PEX5L: variants seen among roughly 807,000 people sequenced by gnomAD.
The protein encoded by PEX5L is peroxisomal biogenesis factor 5 like.
A neutral mutation model predicts 84.0 loss-of-function variants in PEX5L; 30 were observed. The ratio of observed to expected loss-of-function variants is 0.36; its 90% confidence interval spans 0.27 to 0.48. The LOEUF (loss-of-function observed/expected upper bound fraction) is 0.48. PEX5L is among the 20% of genes least tolerant of loss of function. The pLI is 0.99. For missense variants in PEX5L, 533 were observed against 754.6 expected, an observed-to-expected ratio of 0.71 and a Z score of 3.44; for synonymous variants, 270 against 283.1, an observed-to-expected ratio of 0.95 and a Z score of 0.46.
chr3:179,994,527 G>A (rs144964344), intron 1 of PEX5L, among the ~76,000 whole-genome samples: 2 of 152,258 alleles, frequency 1.3e-5, no homozygotes, highest in African/African-American at 4.8e-5. Context: ...AGTGTTTAGG[G>A]CACACTTGAC....
intron 8 of PEX5L, among the ~76,000 whole-genome samples, chr3:179,853,623 G>A (rs1742788510): frequency 1.3e-5 from 2 of 152,134 alleles, no homozygotes; most frequent in Non-Finnish European, 2.9e-5. Flanking sequence ...AAATCCAGGG[G>A]GAAGCATAGA....
At chr3:179,973,239 C>T in intron 1 of PEX5L, 2 of 1,288,888 alleles carry the variant, frequency 1.6e-6, no homozygotes, top group South Asian at 1.2e-5. Flanking sequence ...CCATCCATTT[C>T]ACTGTCAGAC....
chr3:180,018,591 T>A (rs1336695182), intron 1 of PEX5L, among the ~76,000 whole-genome samples: 1 of 152,234 alleles, frequency 6.6e-6, no homozygotes, highest in Non-Finnish European at 1.5e-5. Context: ...TTTCCAAACC[T>A]GCCTTTCATT....
At chr3:179,962,465 T>C (rs1286174736) in intron 2 of PEX5L, among the ~76,000 whole-genome samples, 6 of 152,230 alleles carry the variant, frequency 3.9e-5, no homozygotes, top group Non-Finnish European at 5.9e-5. Context: ...CTTAGAACAA[T>C]ATCTTTTCAT....
chr3:179,843,085 C>T (rs1168102094), intron 8 of PEX5L, among the ~76,000 whole-genome samples: 1 of 151,782 alleles, frequency 6.6e-6, no homozygotes. Flanking sequence ...TGCAAGACAT[C>T]GAAATAGGTT....
At chr3:179,983,092 A>G (rs1225950096) in intron 1 of PEX5L, among the ~76,000 whole-genome samples, 4 of 152,060 alleles carry the variant, frequency 2.6e-5, no homozygotes, top group South Asian at 2.1e-4. Flanking sequence ...ATTACAAAAA[A>G]GTTGTATAAC....
intron 1 of PEX5L, among the ~76,000 whole-genome samples, chr3:180,001,777 C>T (rs1788443286): frequency 6.6e-6 from 1 of 151,998 alleles, no homozygotes; most frequent in Non-Finnish European, 1.5e-5. Context: ...TTAGTCTTTT[C>T]TTTTTTGCTT....
At chr3:179,886,038 G>C (rs532601205) in intron 4 of PEX5L, among the ~76,000 whole-genome samples, 1 of 152,296 alleles carries the variant, frequency 6.6e-6, no homozygotes, top group South Asian at 2.1e-4. Flanking sequence ...TCTTCCATAT[G>C]TTAGAACAAT....
rs78632047 is a variant in PEX5L, at chr3:179,958,674, C to T, written c.93+12920G>A. 6.2e-4 allele frequency among the ~76,000 whole-genome samples: 95 copies of T among 152,176 alleles called. No homozygotes were observed. In the East Asian group the frequency reaches 0.017, roughly 28 times the overall value. The stretch of plus-strand genomic sequence containing the variant: ...TACAGGACTGATTACTGAGTAGGTT[C>T]GCTTTAATGACGAGGCAGGAAAGGA... On this transcript the variant is annotated intron_variant, in intron 2 of 14. Transcript: ENST00000467460.
intron 2 of PEX5L, among the ~76,000 whole-genome samples, chr3:179,939,218 A>G (rs1775409377): frequency 6.6e-6 from 1 of 152,228 alleles, no homozygotes; most frequent in Admixed American, 6.5e-5. Context: ...TTACTGAAGA[A>G]ACCAGGAGTG....
chr3:179,887,249 G>T (rs558989010), intron 4 of PEX5L, among the ~76,000 whole-genome samples: 299 of 152,298 alleles, frequency 2.0e-3, no homozygotes, highest in Non-Finnish European at 1.8e-3. Context: ...AGGATATTTT[G>T]TCATTTAAAT....
At position 179,809,528 on chromosome 3, in the gene PEX5L, T is replaced by C. The variant is rs1282119466; in HGVS notation, c.1295A>G (p.Lys432Arg). 2.5e-6 allele frequency: 4 copies of C among 1,614,206 alleles called. No individual in the cohort carries two copies. Among genetic ancestry groups the C allele is most frequent in the Non-Finnish European group, 3.4e-6 (4 of 1,180,032 alleles). Reference protein sequence around the residue: ...KQNPKYKYLVKSKKGSPGLTR... With the variant: ...KQNPKYKYLVRSKKGSPGLTR... ...GAGGCCTGGAGATCCCTTCTTGCTT[T>C]TCACAAGGTATTTGTACTTTGGATT... Residue 432 changes from lysine to arginine, a missense_variant, in exon 12 of 15, where the codon AAA becomes AGA. Physicochemically the swap from Lys to Arg is conservative, Grantham distance 26 (BLOSUM62 2). Around this residue, in one of 8 missense-constraint regions of PEX5L, gnomAD observed 63 missense variants for 60.2 expected, o/e 1.05. Coordinates refer to ENST00000467460, the MANE Select transcript of PEX5L (RefSeq NM_016559.3).
chr3:179,873,033 A>G (rs990580209), intron 7 of PEX5L, among the ~76,000 whole-genome samples: 1 of 152,054 alleles, frequency 6.6e-6, no homozygotes, highest in Non-Finnish European at 1.5e-5. Context: ...TCTCTTGTGG[A>G]GGGTCAGGTG....
At position 179,991,458 on chromosome 3, in the gene PEX5L, T is replaced by A. The variant is rs1787367902; in HGVS notation, c.22-19793A>T. 2.0e-5 allele frequency among the ~76,000 whole-genome samples: 3 copies of A among 152,192 alleles called. No individual in the cohort carries two copies. In the South Asian group the frequency reaches 6.2e-4, roughly 32 times the overall value. On this transcript the variant is annotated intron_variant, in intron 1 of 14. Transcript: ENST00000467460. Reference sequence around the variant, plus strand: ...TTTTGCCAACCAGAGCTCTTTCTTCTTCAGGATGACCTGGCTGCTTTCCTG... The same window carrying A: ...TTTTGCCAACCAGAGCTCTTTCTTCATCAGGATGACCTGGCTGCTTTCCTG...
chr3:180,013,941 G>A (rs531540127), intron 1 of PEX5L, among the ~76,000 whole-genome samples: 35 of 152,048 alleles, frequency 2.3e-4, no homozygotes, highest in African/African-American at 8.4e-4. Context: ...TTTAAATTTT[G>A]TTGAACCTCT....
chr3:180,006,923 G>A (rs1025806968), intron 1 of PEX5L, among the ~76,000 whole-genome samples: 5 of 152,060 alleles, frequency 3.3e-5, no homozygotes, highest in African/African-American at 9.7e-5. Context: ...CAAACCATAC[G>A]ATTCCACCCC....
intron 2 of PEX5L, among the ~76,000 whole-genome samples, chr3:179,957,654 T>G (rs1006856447): frequency 2.0e-5 from 3 of 152,192 alleles, no homozygotes; most frequent in Non-Finnish European, 2.9e-5. Context: ...AGAAAGCTGC[T>G]CAACAAATAC....
chr3:179,837,384 C>G (rs537676249), intron 8 of PEX5L, among the ~76,000 whole-genome samples: 22 of 152,302 alleles, frequency 1.4e-4, no homozygotes, highest in South Asian at 8.3e-4. Flanking sequence ...GACTCCTCAT[C>G]ATGATGAGAC....
chr3:179,836,277 G>C (rs914865493), intron 8 of PEX5L, among the ~76,000 whole-genome samples: 1 of 152,170 alleles, frequency 6.6e-6, no homozygotes, highest in Non-Finnish European at 1.5e-5. Flanking sequence ...ATTTGGCAGA[G>C]TGGCTGGAAC....
Sources: gnomAD v4.1 joint callset for allele counts (sites outside exome capture counted in the v4.1 genomes callset) on GRCh38, gnomAD v4.1.1 for gene constraint, gnomAD v4.1.1 regional missense constraint, MANE v1.5 for transcripts, NCBI Gene and HGNC (gene_info 2026-07-23, HGNC 2026-07-21) for gene names.